Variants in DYM observed in about 807,000 individuals in gnomAD.
The protein encoded by DYM is dyggve-Melchior-Clausen syndrome protein.
Under a neutral mutation model 93.1 loss-of-function variants are expected in DYM, and 78 were observed. The ratio of observed to expected loss-of-function variants is 0.84; its 90% CI spans 0.70 to 1.01. The LOEUF is 1.01. Ranked by LOEUF, DYM falls within the 50% of genes least tolerant of loss-of-function variation. The pLI is 0.00. For missense variants in DYM, 789 were observed against 845.0 expected (o/e 0.93, Z 0.82); for synonymous variants, 321 against 319.7 (o/e 1.00, Z -0.04).
chr18:49,103,041 G>A (rs563574015), intron 16 of DYM, among the ~76,000 whole-genome samples: 13 of 152,202 alleles, frequency 8.5e-5, no homozygotes, highest in East Asian at 3.9e-4. Flanking sequence ...AACAGTGTAA[G>A]AGTGTTCCTA....
rs1555767053 is a variant in DYM, at chr18:49,118,019, T to TTG, written c.1911+723_1911+724dup. On this transcript the variant is annotated intron_variant, in intron 16 of 17. Transcript: ENST00000675505. The stretch of plus-strand genomic sequence containing the variant: ...GCCTTTTTTTTTTTTTTTTTTTTTT[T>TTG]TGTGTGTGAGACGGAGTTTTACTCT... 7.9e-4 allele frequency among the ~76,000 whole-genome samples: 107 copies of TTG among 134,990 alleles called. 1 individual carries two copies. The highest frequency in any genetic ancestry group is 1.9e-3 in the African/African-American group (61 of 31,916). The allele number at this position is 134,990 out of a possible 152,430, so 88.6% of individuals were successfully genotyped here.
chr18:49,097,755 C>A (rs1025620659), intron 16 of DYM, among the ~76,000 whole-genome samples: 1 of 152,142 alleles, frequency 6.6e-6, no homozygotes, highest in Non-Finnish European at 1.5e-5. Flanking sequence ...CTCCTGAATT[C>A]TACTCTTTCT....
At chr18:49,247,388 C>T (rs2094195616) in intron 13 of DYM, among the ~76,000 whole-genome samples, 1 of 152,080 alleles carries the variant, frequency 6.6e-6, no homozygotes, top group Non-Finnish European at 1.5e-5. Flanking sequence ...GGTGTCCTAC[C>T]AGAATCTACA....
chr18:49,099,118 C>G (rs928712121), intron 16 of DYM, among the ~76,000 whole-genome samples: 14 of 151,964 alleles, frequency 9.2e-5, no homozygotes, highest in African/African-American at 3.4e-4. Context: ...AAAGTAGGAG[C>G]ATATCTGTTA....
In DYM at chr18:49,209,602, T is replaced by G; in HGVS notation, c.1574A>C (p.Glu525Ala). 1 of 1,289,686 alleles carries G rather than the reference T, an allele frequency of 7.8e-7. No homozygotes were observed. Among genetic ancestry groups the G allele is most frequent in the Non-Finnish European group, 1.0e-6 (1 of 988,834 alleles). 79.9% of individuals were successfully genotyped at this position (1,289,686 alleles called of 1,614,324 possible). ...HCFSTLSDNG[E>A]ELLSLTCSHI... ...AGAGCAAGTTAAAGACAAGAGTTCC[T>G]CTCCATTGTCACTGAGGGTCGAGAA... Residue 525 changes from glutamate to alanine, a missense_variant, in exon 14 of 18, where the codon GAG (glutamate) becomes GCG (alanine). Glu to Ala is a moderately radical substitution (Grantham distance 107). Transcript: ENST00000675505.
chr18:49,159,743 A>C (rs2086870558), intron 15 of DYM, among the ~76,000 whole-genome samples: 1 of 152,198 alleles, frequency 6.6e-6, no homozygotes, highest in Non-Finnish European at 1.5e-5. Context: ...TGGTAGAGTC[A>C]GTCCTACAGA....
chr18:49,403,894 A>C (rs570258834), intron 2 of DYM, among the ~76,000 whole-genome samples: 14 of 152,302 alleles, frequency 9.2e-5, no homozygotes, highest in African/African-American at 3.4e-4. Context: ...AGCTGCATCC[A>C]TGTTGCTTGC....
intron 6 of DYM, among the ~76,000 whole-genome samples, chr18:49,334,252 G>C (rs1026461688): frequency 6.6e-6 from 1 of 152,130 alleles, no homozygotes; most frequent in African/African-American, 2.4e-5. Flanking sequence ...ACAGTGTAGG[G>C]AAGAAAACAA....
At chr18:49,189,549 C>G (rs923912728) in intron 14 of DYM, among the ~76,000 whole-genome samples, 3 of 152,130 alleles carry the variant, frequency 2.0e-5, no homozygotes, top group South Asian at 2.1e-4. Context: ...AAATAACAAG[C>G]ATGTGGGCAA....
intron 10 of DYM, among the ~76,000 whole-genome samples, chr18:49,276,784 C>T (rs555981735): frequency 6.6e-6 from 1 of 152,142 alleles, no homozygotes; most frequent in Non-Finnish European, 1.5e-5. Context: ...AGGGAAGTGA[C>T]ATGATCAGAT....
At chr18:49,404,833 T>G (rs1186794612) in intron 2 of DYM, among the ~76,000 whole-genome samples, 1 of 151,808 alleles carries the variant, frequency 6.6e-6, no homozygotes, top group Non-Finnish European at 1.5e-5. Context: ...GCCTGACCAA[T>G]GTGGTGAAAC....
intron 16 of DYM, among the ~76,000 whole-genome samples, chr18:49,101,615 T>C (rs2080151346): frequency 6.6e-6 from 1 of 152,188 alleles, no homozygotes; most frequent in Non-Finnish European, 1.5e-5. Context: ...ATGGCCACTC[T>C]CCTAAGAGGT....
chr18:49,316,029 C>T (rs2061909412), intron 8 of DYM, among the ~76,000 whole-genome samples: 1 of 152,158 alleles, frequency 6.6e-6, no homozygotes, highest in African/African-American at 2.4e-5. Flanking sequence ...CGCCTGTAAT[C>T]CCAGTGCTTT....
intron 13 of DYM, among the ~76,000 whole-genome samples, chr18:49,237,893 G>A (rs1299453813): frequency 6.7e-6 from 1 of 149,584 alleles, no homozygotes; most frequent in African/African-American, 2.5e-5. Flanking sequence ...CCTTCCATCA[G>A]TACCTTACTC....
Position 49,051,891 on chromosome 18 carries a change from G to A in DYM, c.2026-7687C>T, listed in dbSNP as rs903541546. On this transcript the variant is annotated intron_variant, in intron 17 of 17. Coordinates refer to ENST00000675505, the MANE Select transcript of DYM (RefSeq NM_001353214.3). The stretch of plus-strand genomic sequence containing the variant: ...AAAGAGCGGGTAGAGAGAGCAGCGT[G>A]AACACACAGCCGTTATTGGAAAACC... Among the ~76,000 whole-genome samples the A allele has an allele frequency of 4.6e-5, 7 of 152,350 alleles. 1 individual carries two copies. In the South Asian group the frequency reaches 6.2e-4, roughly 14 times the overall value.
intron 13 of DYM, among the ~76,000 whole-genome samples, chr18:49,225,860 A>T (rs997185120): frequency 6.6e-6 from 1 of 152,142 alleles, no homozygotes; most frequent in East Asian, 1.9e-4. Flanking sequence ...TTAAATAGCA[A>T]TTTTATAATA....
At chr18:49,296,964 T>G (rs1385306604) in intron 8 of DYM, among the ~76,000 whole-genome samples, 1 of 152,202 alleles carries the variant, frequency 6.6e-6, no homozygotes, top group Non-Finnish European at 1.5e-5. Context: ...TCACATTCTA[T>G]AAATCTTGGA....
At chr18:49,432,717 G>T (rs79700390) in intron 1 of DYM, among the ~76,000 whole-genome samples, 13,802 of 151,122 alleles carry the variant, frequency 0.091, 845 homozygotes, top group East Asian at 0.31. Context: ...GCTCAAGGGA[G>T]CCTCATTGCC....
At chr18:49,110,853 T>C (rs1450849444) in intron 16 of DYM, among the ~76,000 whole-genome samples, 1 of 152,204 alleles carries the variant, frequency 6.6e-6, no homozygotes, top group East Asian at 1.9e-4. Context: ...TCATCTGATA[T>C]CGTCCTATAG....
Sources: gnomAD v4.1 joint callset for allele counts (sites outside exome capture counted in the v4.1 genomes callset) on GRCh38, gnomAD v4.1.1 for gene constraint, MANE v1.5 for transcripts, NCBI Gene and HGNC (gene_info 2026-07-23, HGNC 2026-07-21) for gene names.